Variants in PTPDC1 observed in about 807,000 individuals in gnomAD.
PTPDC1 encodes protein tyrosine phosphatase domain containing 1, also known as protein tyrosine phosphatase domain-containing protein 1.
PTPDC1 carries 53 observed loss-of-function variants against 75.3 expected under a neutral mutation model. The observed-to-expected ratio is 0.70, with a 90% CI of 0.56 to 0.88. The LOEUF is 0.88. PTPDC1 is among the 40% of genes least tolerant of loss of function. PTPDC1 has a pLI of 0.00. For missense variants in PTPDC1, 925 were observed against 998.6 expected, an observed-to-expected ratio of 0.93 and a Z score of 0.99; for synonymous variants, 349 against 366.2, an observed-to-expected ratio of 0.95 and a Z score of 0.54.
chr9:94,039,657 G>A (rs1375809482), intron 1 of PTPDC1, among the ~76,000 whole-genome samples: 1 of 152,102 alleles, frequency 6.6e-6, no homozygotes, highest in Non-Finnish European at 1.5e-5. Flanking sequence ...GATTACTTGA[G>A]CCTAGGAGGT....
At position 94,098,470 on chromosome 9, in the gene PTPDC1, A is replaced by C. The variant is rs746190581; in HGVS notation, c.1904A>C (p.Gln635Pro). The change falls in exon 6 of 9, where the codon CAG becomes CCG. Residue 635 changes from glutamine (Q) to proline (P), a missense_variant. Transcript: ENST00000620992. Reference sequence around the variant, plus strand: ...GAAGCAGCTTCACACTCTGCATTACAGTCTGAATTGAGTGCTGAGGCAAGA... The same window carrying C: ...GAAGCAGCTTCACACTCTGCATTACCGTCTGAATTGAGTGCTGAGGCAAGA... ...LSEAASHSAL[Q>P]SELSAEARRI... 1 of 1,614,194 alleles carries C rather than the reference A, an allele frequency of 6.2e-7. No homozygotes were observed. The highest frequency in any genetic ancestry group is 8.5e-7 in the Non-Finnish European group (1 of 1,180,022).
chr9:94,061,960 ACTTTT>A (rs1281793066), intron 1 of PTPDC1, among the ~76,000 whole-genome samples: 1 of 152,154 alleles, frequency 6.6e-6, no homozygotes, highest in African/African-American at 2.4e-5. Flanking sequence ...CTGTAAATGG[ACTTTT>A]CTTTTCTACC....
intron 7 of PTPDC1, among the ~76,000 whole-genome samples, chr9:94,103,463 A>G (rs1000309231): frequency 2.6e-5 from 4 of 152,234 alleles, no homozygotes; most frequent in African/African-American, 7.2e-5. Context: ...TGTGCTTTCT[A>G]TTACATAAGG....
chr9:94,069,925 C>T (rs1401706701), intron 2 of PTPDC1, among the ~76,000 whole-genome samples: 1 of 148,572 alleles, frequency 6.7e-6, no homozygotes, highest in Non-Finnish European at 1.5e-5. Flanking sequence ...CCCGGGTTCA[C>T]GCCATTCTCC....
chr9:94,092,461 A>C (rs1236729052), intron 4 of PTPDC1, among the ~76,000 whole-genome samples: 1 of 140,186 alleles, frequency 7.1e-6, no homozygotes, highest in Non-Finnish European at 1.5e-5. Flanking sequence ...GTTTGTTATA[A>C]TTTCTGTTCT....
chr9:94,087,806 C>T (rs1323563510), intron 2 of PTPDC1, 25 bp from the exon 3 acceptor site: 1 of 1,572,980 alleles, frequency 6.4e-7, no homozygotes, highest in Middle Eastern at 1.7e-4. Flanking sequence ...CAGCACATCT[C>T]ACCAGTCCCT....
chr9:94,080,829 G>C (rs1826851910), upstream of PTPDC1, among the ~76,000 whole-genome samples: 1 of 152,162 alleles, frequency 6.6e-6, no homozygotes, highest in Admixed American at 6.5e-5. Flanking sequence ...CTGAGGAATA[G>C]AGGGCAAGTA....
chr9:94,105,303 T>C (rs1169614903), intron 8 of PTPDC1, among the ~76,000 whole-genome samples: 1 of 152,206 alleles, frequency 6.6e-6, no homozygotes, highest in Admixed American at 6.5e-5. Context: ...CGTGGTCCTT[T>C]ACATCTGTAT....
intron 1 of PTPDC1, among the ~76,000 whole-genome samples, chr9:94,034,497 A>C (rs953959707): frequency 6.6e-6 from 1 of 152,196 alleles, no homozygotes; most frequent in Non-Finnish European, 1.5e-5. Flanking sequence ...ATGCCACTGC[A>C]CTCCAGCCTG....
intron 1 of PTPDC1, among the ~76,000 whole-genome samples, chr9:94,039,197 A>G (rs907937708): frequency 2.0e-5 from 3 of 152,200 alleles, no homozygotes; most frequent in Non-Finnish European, 4.4e-5. Flanking sequence ...AAAATAACTG[A>G]AAAGAAAACC....
chr9:94,033,272 A>T (rs1305207036), intron 1 of PTPDC1, among the ~76,000 whole-genome samples: 1 of 152,238 alleles, frequency 6.6e-6, no homozygotes, highest in African/African-American at 2.4e-5. Context: ...GTTTCTTCAG[A>T]ATCATGTTTT....
chr9:94,091,012 T>A (rs1461674990), intron 4 of PTPDC1, among the ~76,000 whole-genome samples: 2 of 152,168 alleles, frequency 1.3e-5, no homozygotes, highest in Non-Finnish European at 2.9e-5. Flanking sequence ...AGATATACAA[T>A]CATGTCGTCT....
At chr9:94,036,788 A>G (rs1053708332) in intron 1 of PTPDC1, among the ~76,000 whole-genome samples, 9 of 152,342 alleles carry the variant, frequency 5.9e-5, no homozygotes, top group East Asian at 1.9e-4. Context: ...AAGACTCACA[A>G]ATAATTAATC....
At position 94,085,267 on chromosome 9, in the gene PTPDC1, A is replaced by C. The variant is rs1827029242; in HGVS notation, c.261A>C (p.Pro87=). ...ERKSKGNLER[P]TPKYTKVGER... ...ATGTTCTAGGAAATTTAGAACGTCC[A>C]ACACCAAAGTACACAAAAGTAGGGG... The change falls in exon 2 of 9, where the codon CCA becomes CCC. Residue 87 remains proline (P), a synonymous_variant. Coordinates refer to ENST00000620992, the MANE Select transcript of PTPDC1 (RefSeq NM_001253829.2). The C allele has an allele frequency of 6.2e-7, 1 of 1,614,022 alleles. No homozygotes were observed.
In PTPDC1 at chr9:94,104,385, G is replaced by C; in HGVS notation, c.2310G>C (p.Lys770Asn). The change falls in exon 8 of 9, where the codon AAG (lysine) becomes AAC (asparagine). Residue 770 changes from lysine to asparagine, a missense_variant and splice_region_variant. Physicochemically the swap from Lys to Asn is moderately conservative, Grantham distance 94. Coordinates refer to ENST00000620992, the MANE Select transcript of PTPDC1 (RefSeq NM_001253829.2). ...FLAHAIKAFT[K>N]VNFDSENGPT... ...CCCATGCCATTAAGGCATTCACTAA[G>C]GTGGGTCATACTCTTCCTTTCCCCT... 4.4e-6 allele frequency: 7 copies of C among 1,601,260 alleles called. No homozygotes were observed. The highest frequency in any genetic ancestry group is 6.0e-6 in the Non-Finnish European group (7 of 1,168,696).
intron 1 of PTPDC1, among the ~76,000 whole-genome samples, chr9:94,058,565 G>A (rs563603387): frequency 6.6e-6 from 1 of 151,488 alleles, no homozygotes; most frequent in South Asian, 2.1e-4. Flanking sequence ...AAATTAACCG[G>A]GTGTAGTGGC....
rs748019433 is a variant in PTPDC1, at chr9:94,097,839, C to G, written c.1273C>G (p.Pro425Ala). The G allele has an allele frequency of 2.5e-6, 4 of 1,614,120 alleles. No individual in the cohort carries two copies. The East Asian group carries it at 6.7e-5, about 27-fold the overall frequency. ...MIFSNEQQFD[P>A]LWKRRNVECL... Reference sequence around the variant, plus strand: ...TTTCTCCAATGAGCAACAGTTTGACCCTCTTTGGAAAAGGCGGAATGTTGA... The same window carrying G: ...TTTCTCCAATGAGCAACAGTTTGACGCTCTTTGGAAAAGGCGGAATGTTGA... The change falls in exon 6 of 9, where the codon CCT (proline) becomes GCT (alanine). Residue 425 changes from proline (P) to alanine (A), a missense_variant. Physicochemically the swap from Pro to Ala is conservative, Grantham distance 27. Coordinates refer to ENST00000620992, the MANE Select transcript of PTPDC1 (RefSeq NM_001253829.2).
At chr9:94,062,244 C>T (rs1826165409) in intron 1 of PTPDC1, among the ~76,000 whole-genome samples, 1 of 152,174 alleles carries the variant, frequency 6.6e-6, no homozygotes, top group South Asian at 2.1e-4. Flanking sequence ...ACTGTTGCTC[C>T]AGTTCCCAGT....
chr9:94,050,987 T>A (rs1825773303), intron 1 of PTPDC1, among the ~76,000 whole-genome samples: 1 of 152,160 alleles, frequency 6.6e-6, no homozygotes, highest in African/African-American at 2.4e-5. Flanking sequence ...TGAGTGAGGC[T>A]CCGTGGGCAT....
Sources: gnomAD v4.1 joint callset for allele counts (sites outside exome capture counted in the v4.1 genomes callset) on GRCh38, gnomAD v4.1.1 for gene constraint, MANE v1.5 for transcripts, NCBI Gene and HGNC (gene_info 2026-07-23, HGNC 2026-07-21) for gene names.